The following LMX1B variants were observed in gnomAD, a reference collection of about 807,000 sequenced individuals.
LMX1B encodes LIM homeobox transcription factor 1 beta.
Under a neutral mutation model 51.4 loss-of-function variants are expected in LMX1B, and 12 were observed. The observed-to-expected ratio is 0.23, with a 90% CI of 0.15 to 0.38. The LOEUF (loss-of-function observed/expected upper bound fraction) is 0.38. Among genes scored for constraint, LMX1B ranks in the 10% least tolerant of loss-of-function variants. The pLI is 1.00. For missense variants in LMX1B, 445 were observed against 571.1 expected, an observed-to-expected ratio of 0.78 and a Z score of 2.25; for synonymous variants, 237 against 235.4, an observed-to-expected ratio of 1.01 and a Z score of -0.06.
chr9:126,693,902 C>A, intron 6 of LMX1B, 90 bp downstream of exon 6: 1 of 686,268 alleles, frequency 1.5e-6, no homozygotes, highest in Admixed American at 2.3e-5. Context: ...GGGGCAGAGG[C>A]TGGGGCTGGG....
At chr9:126,687,993 G>A (rs980682397) in intron 2 of LMX1B, among the ~76,000 whole-genome samples, 2 of 152,194 alleles carry the variant, frequency 1.3e-5, no homozygotes, top group African/African-American at 4.8e-5. Context: ...CCCCATAATT[G>A]GGAGTGAGTA....
At chr9:126,690,582 G>A (rs908281487) in intron 2 of LMX1B, among the ~76,000 whole-genome samples, 1 of 152,238 alleles carries the variant, frequency 6.6e-6, no homozygotes, top group Non-Finnish European at 1.5e-5. Flanking sequence ...AGCTGGAAGG[G>A]CCCTGAGCTG....
rs1364543959 is a variant in LMX1B, at chr9:126,642,402, G to T, written c.326+26833G>T. On this transcript the variant is annotated intron_variant, in intron 2 of 7. Transcript: ENST00000373474. ...ACCGTCTTTCTTCCACCCGCCCTCG[G>T]TGCTATCACCAGAGCTTCAGTGCCA... 2.6e-5 allele frequency among the ~76,000 whole-genome samples: 4 copies of T among 152,220 alleles called. No homozygotes were observed. In the East Asian group the frequency reaches 7.7e-4, roughly 29 times the overall value.
At chr9:126,691,148 A>C in intron 3 of LMX1B, 80 bp downstream of exon 3, 1 of 1,077,786 alleles carries the variant, frequency 9.3e-7, no homozygotes. Context: ...CCGGCTGGAG[A>C]AGCCACCTCC....
chr9:126,682,085 T>TTTTTTTTTTTTG, intron 2 of LMX1B, among the ~76,000 whole-genome samples: 1 of 127,816 alleles, frequency 7.8e-6, no homozygotes, highest in Non-Finnish European at 1.6e-5. Context: ...CCCAGGGTCT[T>TTTTTTTTTTTTG]TTTTTTTTTT....
chr9:126,619,647 T>C (rs1171175265), intron 2 of LMX1B, among the ~76,000 whole-genome samples: 2 of 152,202 alleles, frequency 1.3e-5, no homozygotes, highest in Admixed American at 1.3e-4. Context: ...AGGGTACCTC[T>C]CCATTTAACC....
intron 2 of LMX1B, among the ~76,000 whole-genome samples, chr9:126,650,716 C>T (rs1412947837): frequency 1.3e-5 from 2 of 152,198 alleles, no homozygotes; most frequent in African/African-American, 2.4e-5. Flanking sequence ...GGCAGGAGCC[C>T]GCTAGGAGCC....
intron 2 of LMX1B, among the ~76,000 whole-genome samples, chr9:126,668,629 T>C (rs1265584459): frequency 6.6e-6 from 1 of 152,060 alleles, no homozygotes; most frequent in Non-Finnish European, 1.5e-5. Flanking sequence ...AATTTTTGTA[T>C]TTTTAGTAGA....
intron 2 of LMX1B, among the ~76,000 whole-genome samples, chr9:126,646,896 A>AG (rs141049482): frequency 0.093 from 14,168 of 152,238 alleles, 797 homozygotes; most frequent in Middle Eastern, 0.19. Context: ...ACAAGGGGGT[A>AG]GGGGGTGGAA....
At chr9:126,623,645 CG>C (rs1835460736) in intron 2 of LMX1B, among the ~76,000 whole-genome samples, 1 of 152,200 alleles carries the variant, frequency 6.6e-6, no homozygotes. Context: ...ACCGACCTTC[CG>C]GAAGGTGCGG....
At chr9:126,656,433 A>AGATAG (rs1554725211) in intron 2 of LMX1B, among the ~76,000 whole-genome samples, 3 of 146,328 alleles carry the variant, frequency 2.1e-5, no homozygotes, top group African/African-American at 7.4e-5. Context: ...ATAGATAGAT[A>AGATAG]GATAGGATAG....
chr9:126,676,226 C>A (rs1836559205), intron 2 of LMX1B, among the ~76,000 whole-genome samples: 1 of 152,150 alleles, frequency 6.6e-6, no homozygotes, highest in Non-Finnish European at 1.5e-5. Flanking sequence ...CACAGTGTTT[C>A]TCTCCTGCCT....
At chr9:126,682,271 C>A (rs897611175) in intron 2 of LMX1B, among the ~76,000 whole-genome samples, 1 of 151,830 alleles carries the variant, frequency 6.6e-6, no homozygotes, top group Admixed American at 6.6e-5. Flanking sequence ...CAAGGAGCCA[C>A]TTCCCCCGAT....
In LMX1B at chr9:126,614,118, A is replaced by G. The variant is rs1177524440; in HGVS notation, c.-332A>G. 1.1e-4 allele frequency among the ~76,000 whole-genome samples: 11 copies of G among 97,888 alleles called. No homozygotes were observed. Among genetic ancestry groups the G allele is most frequent in the Admixed American group, 3.6e-4 (3 of 8,258 alleles). The allele number at this position is 97,888 out of a possible 152,430, so 64.2% of individuals were successfully genotyped here. A position where few individuals can be genotyped will look rare whatever the true frequency, so the allele number is the denominator to read the frequency against. On this transcript the variant is annotated 5_prime_UTR_variant, in exon 1 of 8. Transcript: ENST00000373474. ...CCCGCCTGCCGCCGCCGCCACCGCC[A>G]CCGCCGCCGCCGCCTCCTCCCCGCG...
Position 126,658,414 on chromosome 9 carries a change from A to AT in LMX1B, c.327-32422_327-32421insT, listed in dbSNP as rs1231326618. Among the ~76,000 whole-genome samples the AT allele has an allele frequency of 1.1e-4, 16 of 151,140 alleles. No homozygotes were observed. The highest frequency in any genetic ancestry group is 8.6e-4 in the Admixed American group (13 of 15,156). On this transcript the variant is annotated intron_variant, in intron 2 of 7. Coordinates refer to ENST00000373474, the MANE Select transcript of LMX1B (RefSeq NM_001174147.2). The surrounding 1 kb of genome is among the most constrained non-coding windows in gnomAD (Gnocchi z 4.0). Reference sequence around the variant, plus strand: ...CCGGGCCCGGGCACCCCTGCTGCTGACCCCCTGCCCTCCCTGCCGCCTGCC... The same window carrying AT: ...CCGGGCCCGGGCACCCCTGCTGCTGATCCCCCTGCCCTCCCTGCCGCCTGCC...
intron 6 of LMX1B, among the ~76,000 whole-genome samples, chr9:126,694,952 C>T (rs2030273101): frequency 6.6e-6 from 1 of 152,130 alleles, no homozygotes; most frequent in Non-Finnish European, 1.5e-5. Flanking sequence ...ATGCCCTGCT[C>T]CTCCCCACCC....
chr9:126,650,416 T>C (rs1835978794), intron 2 of LMX1B, among the ~76,000 whole-genome samples: 1 of 152,018 alleles, frequency 6.6e-6, no homozygotes, highest in African/African-American at 2.4e-5. Context: ...GGGGGCAGCC[T>C]TGTTTTGTTT....
intron 2 of LMX1B, among the ~76,000 whole-genome samples, chr9:126,622,673 G>C (rs892237882): frequency 2.0e-5 from 3 of 152,236 alleles, no homozygotes; most frequent in African/African-American, 7.2e-5. Context: ...TATAGTTACT[G>C]GGCTGTTGGG....
Position 126,699,949 on chromosome 9 carries a change from C to T in LMX1B, c.*3498C>T, listed in dbSNP as rs2030484836. On this transcript the variant is annotated 3_prime_UTR_variant, in exon 8 of 8. Coordinates refer to ENST00000373474, the MANE Select transcript of LMX1B (RefSeq NM_001174147.2). ...GGGAAGAGGGAGATAACTGTGTGGT[C>T]TCCAGAGCAAAAGAGAATGAGAGGT... The T allele has an allele frequency of 6.6e-6, 1 of 152,284 alleles. No individual in the cohort carries two copies. Among genetic ancestry groups the T allele is most frequent in the Non-Finnish European group, 1.5e-5 (1 of 68,090 alleles). The allele number at this position is 152,284 out of a possible 1,614,324, so 9.4% of individuals were successfully genotyped here. A position where few individuals can be genotyped will look rare whatever the true frequency, so the allele number is the denominator to read the frequency against.
Sources: gnomAD v4.1 joint callset for allele counts (sites outside exome capture counted in the v4.1 genomes callset) on GRCh38, gnomAD v4.1.1 for gene constraint, Gnocchi (gnomAD v3.1) non-coding constraint, MANE v1.5 for transcripts, NCBI Gene and HGNC (gene_info 2026-07-23, HGNC 2026-07-21) for gene names.